Variants in PHF2 observed in about 807,000 individuals in gnomAD.
The protein encoded by PHF2 is lysine-specific demethylase PHF2.
In PHF2, 27 loss-of-function variants were observed where a neutral mutation model predicts 120.5. The ratio of observed to expected loss-of-function variants is 0.22; its 90% CI spans 0.17 to 0.31. The LOEUF (loss-of-function observed/expected upper bound fraction) is 0.31. Among genes scored for constraint, PHF2 ranks in the 10% least tolerant of loss-of-function variants. PHF2 has a pLI of 1.00. For synonymous variants in PHF2, 568 were observed against 592.5 expected, an observed-to-expected ratio of 0.96 and a Z score of 0.60; for missense variants, 1,024 against 1,434.8, an observed-to-expected ratio of 0.71 and a Z score of 4.63.
chr9:93,629,891 C>A, intron 1 of PHF2, 79 bp from the exon 2 acceptor site: 2 of 1,367,616 alleles, frequency 1.5e-6, no homozygotes, highest in Non-Finnish European at 2.1e-6. Flanking sequence ...AGCAGGGATT[C>A]TCCCTAGAGC....
At chr9:93,660,041 G>A (rs1004929854) in intron 11 of PHF2, 151 bp from the exon 12 acceptor site, 7 of 915,128 alleles carry the variant, frequency 7.6e-6, no homozygotes, top group Non-Finnish European at 1.1e-5. Context: ...GTGTGAGTGT[G>A]TCACATGATG....
intron 12 of PHF2, among the ~76,000 whole-genome samples, chr9:93,661,857 T>TGGATGGATGGATGAGC (rs1236592400): frequency 1.3e-5 from 2 of 151,262 alleles, no homozygotes; most frequent in African/African-American, 4.9e-5. Context: ...GATGAATAAA[T>TGGATGGATGGATGAGC]GGATGGATGG....
Position 93,677,813 on chromosome 9 carries a change from C to T in PHF2, c.*137C>T, listed in dbSNP as rs1288847068. 8 of 647,322 alleles carry T rather than the reference C, an allele frequency of 1.2e-5. No homozygotes were observed. The highest frequency in any genetic ancestry group is 3.1e-4 in the Middle Eastern group (1 of 3,194). 40.1% of individuals were successfully genotyped at this position (647,322 alleles called of 1,614,324 possible). The stretch of plus-strand genomic sequence containing the variant: ...TCCCGGCTGCCATCTCCCCAACAAG[C>T]GTCTGTCCCTTCAGCCGGCAGAGCG... On this transcript the variant is annotated 3_prime_UTR_variant, in exon 22 of 22. Transcript: ENST00000359246. This position sits in a 1 kb window ranked among gnomAD's most constrained non-coding sequence, Gnocchi z 4.4.
intron 1 of PHF2, among the ~76,000 whole-genome samples, chr9:93,613,953 G>C (rs1485232955): frequency 6.6e-6 from 1 of 152,162 alleles, no homozygotes; most frequent in Non-Finnish European, 1.5e-5. Context: ...GGTGGACCTG[G>C]TGCTGCTGCC....
At chr9:93,641,382 C>T (rs772390154) in intron 3 of PHF2, among the ~76,000 whole-genome samples, 3 of 152,192 alleles carry the variant, frequency 2.0e-5, no homozygotes, top group Non-Finnish European at 2.9e-5. Flanking sequence ...AGTGTTCCTA[C>T]AGGTCACTGC....
rs764917523 is a variant in PHF2 at position 93,645,604 on chromosome 9, G to T, written c.300-25G>T. 5.2e-6 allele frequency: 8 copies of T among 1,540,606 alleles called. No homozygotes were observed. The South Asian group carries it at 9.7e-5, about 19-fold the overall frequency. The stretch of plus-strand genomic sequence containing the variant: ...TGCAGGAGGCCTCGGGCCCAATGTG[G>T]CCTCTGACCTGTGCTTCCCTGCAGT... On this transcript the variant is annotated intron_variant, in intron 3 of 21. Transcript: ENST00000359246.
Position 93,617,902 on chromosome 9 carries a change from A to G in PHF2, c.99-12068A>G, listed in dbSNP as rs576794538. Among the ~76,000 whole-genome samples the G allele has an allele frequency of 2.0e-4, 31 of 152,276 alleles. No homozygotes were observed. The South Asian group carries it at 6.2e-3, about 31-fold the overall frequency. On this transcript the variant is annotated intron_variant, in intron 1 of 21. Coordinates refer to ENST00000359246, the MANE Select transcript of PHF2 (RefSeq NM_005392.4). Reference sequence around the variant, plus strand: ...GCAGCTGATTAGATGGTGCCCACACAGATTAAGGGTGGGTCTGCCTTTCCC... The same window carrying G: ...GCAGCTGATTAGATGGTGCCCACACGGATTAAGGGTGGGTCTGCCTTTCCC...
At position 93,576,725 on chromosome 9, in the gene PHF2, G is replaced by A; in HGVS notation, c.-49G>A. ...CCCGGCCCCCGGCCCGGCCCGGACC[G>A]ACCCGGGCAGCGCAGCGGCGGGGCC... On this transcript the variant is annotated 5_prime_UTR_variant, in exon 1 of 22. Coordinates refer to ENST00000359246, the MANE Select transcript of PHF2 (RefSeq NM_005392.4). The A allele has an allele frequency of 3.1e-6, 3 of 970,734 alleles. No individual in the cohort carries two copies. Among genetic ancestry groups the A allele is most frequent in the South Asian group, 2.4e-5 (1 of 42,282 alleles). 60.1% of individuals were successfully genotyped at this position (970,734 alleles called of 1,614,324 possible).
At chr9:93,675,971 G>A (rs527964198) in intron 20 of PHF2, among the ~76,000 whole-genome samples, 182 bp downstream of exon 20, 34 of 152,316 alleles carry the variant, frequency 2.2e-4, no homozygotes, top group South Asian at 2.1e-3. Flanking sequence ...TAAATTCCCC[G>A]TGTGGGGTCC....
intron 17 of PHF2, 37 bp downstream of exon 17, chr9:93,667,277 A>G: frequency 6.3e-7 from 1 of 1,591,328 alleles, no homozygotes. Context: ...AAGAGCGGGG[A>G]CCAGGCAGGC....
chr9:93,647,621 A>C (rs1826284516), intron 4 of PHF2, among the ~76,000 whole-genome samples: 1 of 152,160 alleles, frequency 6.6e-6, no homozygotes, highest in Non-Finnish European at 1.5e-5. Flanking sequence ...CAGGCATGGT[A>C]GCTCACGCCT....
chr9:93,600,374 C>T (rs1011516456), intron 1 of PHF2, among the ~76,000 whole-genome samples: 3 of 152,138 alleles, frequency 2.0e-5, no homozygotes, highest in African/African-American at 4.8e-5. Context: ...TCCAGAGCTG[C>T]GTCTTTGTGA....
chr9:93,576,797 C>A lies in PHF2; in HGVS notation c.24C>A (p.Cys8Ter). 1 of 1,283,690 alleles carries A rather than the reference C, an allele frequency of 7.8e-7. No homozygotes were observed. Among genetic ancestry groups the A allele is most frequent in the Non-Finnish European group, 1.0e-6 (1 of 981,570 alleles). The allele number at this position is 1,283,690 out of a possible 1,614,324, so 79.5% of individuals were successfully genotyped here. A position where few individuals can be genotyped will look rare whatever the true frequency, so the allele number is the denominator to read the frequency against. Residue 8 changes from cysteine (C) to a stop codon, truncating the protein, a stop_gained, in exon 1 of 22, where the codon TGC (cysteine) becomes TGA (stop). Transcript: ENST00000359246. LOFTEE classifies it high-confidence loss of function. Reference sequence around the variant, plus strand: ...ACATGGCGACGGTGCCCGTGTACTGCGTCTGCCGGCTCCCCTACGACGTTA... The same window carrying A: ...ACATGGCGACGGTGCCCGTGTACTGAGTCTGCCGGCTCCCCTACGACGTTA... Reference protein sequence around the residue: MATVPVYCVCRLPYDVTR... With the variant: MATVPVY
intron 3 of PHF2, among the ~76,000 whole-genome samples, chr9:93,645,215 C>T (rs1201225815): frequency 1.3e-5 from 2 of 152,206 alleles, no homozygotes; most frequent in African/African-American, 2.4e-5. Context: ...TGGGGAGGCA[C>T]CTAGCCGAGA....
intron 1 of PHF2, among the ~76,000 whole-genome samples, chr9:93,583,037 C>A (rs748184616): frequency 1.3e-5 from 2 of 152,182 alleles, no homozygotes; most frequent in Non-Finnish European, 1.5e-5. Context: ...AAAGTAAACC[C>A]GGTATCCAAT....
At chr9:93,592,265 C>T (rs1371242034) in intron 1 of PHF2, among the ~76,000 whole-genome samples, 1 of 152,164 alleles carries the variant, frequency 6.6e-6, no homozygotes, top group Admixed American at 6.5e-5. Context: ...ATAGTTGCCT[C>T]TGCAGGGGCT....
chr9:93,608,184 A>G (rs970496290), intron 1 of PHF2, among the ~76,000 whole-genome samples: 9 of 152,076 alleles, frequency 5.9e-5, no homozygotes, highest in African/African-American at 1.9e-4. Context: ...TCAGTGGGAA[A>G]GCTTCAAGTA....
intron 1 of PHF2, among the ~76,000 whole-genome samples, chr9:93,626,964 C>G (rs1052991792): frequency 2.0e-5 from 3 of 152,206 alleles, no homozygotes; most frequent in African/African-American, 7.2e-5. Context: ...CAGTGCCACA[C>G]TGTTTTATCA....
At chr9:93,650,265 ACT>A (rs1470772697) in intron 5 of PHF2, among the ~76,000 whole-genome samples, 5 of 151,998 alleles carry the variant, frequency 3.3e-5, no homozygotes, top group Admixed American at 3.3e-4. Flanking sequence ...TTGTGGGCAC[ACT>A]CATACACAGA....
Sources: allele counts gnomAD v4.1 joint callset (sites outside exome capture counted in the v4.1 genomes callset), GRCh38; gene constraint gnomAD v4.1.1; non-coding constraint Gnocchi (gnomAD v3.1); transcripts MANE v1.5; gene names NCBI Gene and HGNC (gene_info 2026-07-23, HGNC 2026-07-21).